Variants in KLHL6 observed in about 807,000 individuals in gnomAD.
The protein encoded by KLHL6 is kelch-like protein 6.
KLHL6 carries 41 observed loss-of-function variants against 58.6 expected under a neutral mutation model. The observed-to-expected ratio is 0.70, with a 90% CI of 0.55 to 0.91. The LOEUF is 0.91. Ranked by LOEUF, KLHL6 falls within the 40% of genes least tolerant of loss-of-function variation. KLHL6 has a pLI of 0.00. For synonymous variants in KLHL6, 338 were observed against 322.7 expected, an observed-to-expected ratio of 1.05 and a Z score of -0.51; for missense variants, 714 against 805.6, an observed-to-expected ratio of 0.89 and a Z score of 1.38.
At chr3:183,545,413 G>A (rs961732114) in intron 1 of KLHL6, among the ~76,000 whole-genome samples, 1 of 152,172 alleles carries the variant, frequency 6.6e-6, no homozygotes, top group African/African-American at 2.4e-5. Context: ...CATATCCATG[G>A]GTTTGATGCA....
At position 183,499,632 on chromosome 3, in the gene KLHL6, C is replaced by A; in HGVS notation, c.1105G>T (p.Glu369Ter). 1 of 1,606,942 alleles carries A rather than the reference C, an allele frequency of 6.2e-7. No individual in the cohort carries two copies. Among genetic ancestry groups the A allele is most frequent in the Non-Finnish European group, 8.5e-7 (1 of 1,176,730 alleles). Residue 369 changes from glutamate (E) to a stop codon, truncating the protein, a stop_gained, in exon 4 of 7, where the codon GAG becomes TAG. Coordinates refer to ENST00000341319, the MANE Select transcript of KLHL6 (RefSeq NM_130446.4). LOFTEE classifies it high-confidence loss of function. The surrounding 1 kb of genome is among the most constrained non-coding windows in gnomAD (Gnocchi z 4.6). ...TTTTTCAATGTCACGCATGCAAACT[C>A]CACCCACTTCTTATTCTCACTCTCC... is the stretch of plus-strand genomic sequence containing the variant. ...ELESENKKWVEFACVTLKNEV... is the reference protein window; with the variant it reads ...ELESENKKWV
rs185580419 is a variant in KLHL6 at position 183,530,853 on chromosome 3, A to G, written c.294-2843T>C. 4.6e-3 allele frequency among the ~76,000 whole-genome samples: 650 copies of G among 141,476 alleles called. 7 individuals are homozygous for G. Among genetic ancestry groups the G allele is most frequent in the Middle Eastern group, 0.019 (5 of 268 alleles). The allele number at this position is 141,476 out of a possible 152,430, so 92.8% of individuals were successfully genotyped here. ...GCATTTTTTTTTTTTTTTTTTTGAG[A>G]CAGAGTCTCACTCTGTCACCTAGGC... On this transcript the variant is annotated intron_variant, in intron 1 of 6. Coordinates refer to ENST00000341319, the MANE Select transcript of KLHL6 (RefSeq NM_130446.4).
intron 4 of KLHL6, 109 bp from the exon 5 acceptor site, chr3:183,494,390 C>T (rs2108663557): frequency 1.2e-6 from 1 of 855,526 alleles, no homozygotes; most frequent in East Asian, 2.5e-5. Context: ...CCAGCCCTAC[C>T]CTGAGGGGAG....
rs1482942498 is a variant in KLHL6, at chr3:183,492,062, C to T, written c.1731G>A (p.Leu577=). The T allele has an allele frequency of 1.2e-6, 2 of 1,613,942 alleles. No individual in the cohort carries two copies. Among genetic ancestry groups the T allele is most frequent in the East Asian group, 4.5e-5 (2 of 44,892 alleles). The change falls in exon 7 of 7, where the codon CTG becomes CTA. Residue 577 remains leucine (L), a synonymous_variant. Transcript: ENST00000341319. This position sits in a 1 kb window ranked among gnomAD's most constrained non-coding sequence, Gnocchi z 5.9. ...GTTTCTGGGCCTCGGGGTCCCAGCA[C>T]AGCACCGTGGCGATAACCTCGTTCT... is the stretch of plus-strand genomic sequence containing the variant. ...DEKNEVIATV[L]CWDPEAQKLT... is the part of the protein sequence containing the mutation.
chr3:183,553,177 C>G (rs73884524), intron 1 of KLHL6, among the ~76,000 whole-genome samples: 1,737 of 152,310 alleles, frequency 0.011, 31 homozygotes, highest in African/African-American at 0.039. Flanking sequence ...GGAATTTCCT[C>G]TCATGACCAG....
intron 1 of KLHL6, among the ~76,000 whole-genome samples, chr3:183,534,269 A>G (rs557839165): frequency 1.9e-4 from 29 of 151,602 alleles, no homozygotes; most frequent in African/African-American, 6.8e-4. Context: ...TCAGCTCAGC[A>G]TATCTTCCCT....
At chr3:183,526,348 A>T (rs999942415) in intron 2 of KLHL6, among the ~76,000 whole-genome samples, 1 of 152,174 alleles carries the variant, frequency 6.6e-6, no homozygotes, top group Non-Finnish European at 1.5e-5. Context: ...TACAAACCAC[A>T]AAGTTATTTC....
At chr3:183,512,737 C>T (rs1355698767) in intron 2 of KLHL6, among the ~76,000 whole-genome samples, 1 of 152,102 alleles carries the variant, frequency 6.6e-6, no homozygotes, top group African/African-American at 2.4e-5. Flanking sequence ...GTGATCCACC[C>T]ACCTTGGCCT....
chr3:183,495,179 A>C (rs1334844981), intron 4 of KLHL6, among the ~76,000 whole-genome samples: 1 of 152,236 alleles, frequency 6.6e-6, no homozygotes, highest in Non-Finnish European at 1.5e-5. Flanking sequence ...GGAACCCAGA[A>C]GTGGGTTTAC....
chr3:183,510,782 G>A (rs1023939508), intron 2 of KLHL6, among the ~76,000 whole-genome samples: 1 of 152,126 alleles, frequency 6.6e-6, no homozygotes, highest in Non-Finnish European at 1.5e-5. Context: ...GCTGCAGCAG[G>A]AGAATGCTTG....
chr3:183,532,918 C>G (rs1189536973), intron 1 of KLHL6, among the ~76,000 whole-genome samples: 5 of 152,176 alleles, frequency 3.3e-5, no homozygotes, highest in Non-Finnish European at 7.3e-5. Context: ...CCACTAGAGT[C>G]AAGTATCAGA....
intron 2 of KLHL6, among the ~76,000 whole-genome samples, chr3:183,516,944 C>T (rs1711588236): frequency 6.6e-6 from 1 of 152,218 alleles, no homozygotes; most frequent in African/African-American, 2.4e-5. Flanking sequence ...GAGTCTCATG[C>T]TGTCACCCAG....
At chr3:183,502,971 T>G (rs998554626) in intron 3 of KLHL6, among the ~76,000 whole-genome samples, 5 of 152,230 alleles carry the variant, frequency 3.3e-5, no homozygotes, top group African/African-American at 4.8e-5. Flanking sequence ...AGTGGTGGCA[T>G]CATTACCACA....
chr3:183,547,675 A>AT (rs1488602603), intron 1 of KLHL6, among the ~76,000 whole-genome samples: 2 of 152,048 alleles, frequency 1.3e-5, no homozygotes, highest in Admixed American at 6.5e-5. Context: ...TGCATTAAGC[A>AT]TTTTTTCCCA....
chr3:183,549,145 C>T (rs1712826363), intron 1 of KLHL6, among the ~76,000 whole-genome samples: 1 of 148,292 alleles, frequency 6.7e-6, no homozygotes, highest in Non-Finnish European at 1.5e-5. Flanking sequence ...ACATGTATCC[C>T]AGAACTTAAA....
rs944234932 is a variant in KLHL6, at chr3:183,549,968, TACAGTGAAAACAA to T, written c.293+5380_293+5392del. ...AAAGAGACAAAAACAAAGAGAAAAA[TACAGTGAAAACAA>T]ACAGTAAAAAACAAACAAAAACAGA... is the stretch of plus-strand genomic sequence containing the variant. On this transcript the variant is annotated intron_variant, in intron 1 of 6. Coordinates refer to ENST00000341319, the MANE Select transcript of KLHL6 (RefSeq NM_130446.4). 4.6e-5 allele frequency among the ~76,000 whole-genome samples: 7 copies of T among 151,644 alleles called. No homozygotes were observed. In the South Asian group the frequency reaches 1.0e-3, roughly 23 times the overall value.
At chr3:183,501,441 C>T (rs1374574747) in intron 3 of KLHL6, among the ~76,000 whole-genome samples, 1 of 152,204 alleles carries the variant, frequency 6.6e-6, no homozygotes. Flanking sequence ...AAGCACCGGC[C>T]TCCCTGAATT....
intron 4 of KLHL6, among the ~76,000 whole-genome samples, chr3:183,498,560 T>C (rs1717778381): frequency 1.3e-5 from 2 of 152,216 alleles, no homozygotes; most frequent in Admixed American, 6.5e-5. Context: ...TGAGTATCTC[T>C]CTGAGCCTCT....
At chr3:183,520,082 A>T (rs1577189784) in intron 2 of KLHL6, 1 of 152,292 alleles carries the variant, frequency 6.6e-6, no homozygotes, top group East Asian at 1.9e-4. Context: ...AGCAGTAATT[A>T]GCGTGGGAAA....
Sources: allele counts gnomAD v4.1 joint callset (sites outside exome capture counted in the v4.1 genomes callset), GRCh38; gene constraint gnomAD v4.1.1; non-coding constraint Gnocchi (gnomAD v3.1); transcripts MANE v1.5; gene names NCBI Gene and HGNC (gene_info 2026-07-23, HGNC 2026-07-21).